Variants in CD22 observed in about 807,000 individuals in gnomAD.
CD22 encodes the protein CD22 molecule.
A neutral mutation model predicts 94.7 loss-of-function variants in CD22; 51 were observed. The ratio of observed to expected loss-of-function variants is 0.54; its 90% CI spans 0.43 to 0.68. CD22 has a LOEUF of 0.68. Ranked by LOEUF, CD22 falls within the 30% of genes least tolerant of loss-of-function variation. The pLI, the probability that CD22 is intolerant of heterozygous loss-of-function variation, is 0.00. For missense variants in CD22, 931 were observed against 1,060.4 expected (o/e 0.88, Z 1.69); for synonymous variants, 424 against 422.5 (o/e 1.00, Z -0.04).
chr19:35,343,299 G>A (rs914137705), intron 9 of CD22, among the ~76,000 whole-genome samples: 2 of 152,070 alleles, frequency 1.3e-5, no homozygotes, highest in Admixed American at 1.3e-4. Context: ...GCATGAAAGG[G>A]TAAATAGTGG....
Position 35,341,675 on chromosome 19 carries a change from C to G in CD22, c.1772-27C>G, listed in dbSNP as rs1468308647. The G allele has an allele frequency of 1.0e-5, 16 of 1,605,954 alleles. No individual in the cohort carries two copies. Among genetic ancestry groups the G allele is most frequent in the Non-Finnish European group, 1.4e-5 (16 of 1,175,980 alleles). ...AGTGGCCTGCCTGGTAGTGACTTCG[C>G]ACCCCCTCCCCCTGCCCGCCATGCA... On this transcript the variant is annotated intron_variant, in intron 8 of 13. Transcript: ENST00000085219. This position sits in a 1 kb window ranked among gnomAD's most constrained non-coding sequence, Gnocchi z 4.0.
intron 5 of CD22, 23 bp downstream of exon 5, chr19:35,338,044 C>T (rs1184505986): frequency 6.3e-7 from 1 of 1,591,780 alleles, no homozygotes; most frequent in Admixed American, 1.7e-5. Context: ...GAGCTGGGGA[C>T]AGGCCAGGCA....
At chr19:35,329,305 C>G (rs1294088281) in intron 1 of CD22, 75 bp downstream of exon 1, 2 of 968,490 alleles carry the variant, frequency 2.1e-6, no homozygotes, top group Admixed American at 4.6e-5. Context: ...GCCAGGCATA[C>G]CTCCCAGAGC....
chr19:35,343,613 G>C (rs1325142681), intron 9 of CD22, among the ~76,000 whole-genome samples: 1 of 152,192 alleles, frequency 6.6e-6, no homozygotes, highest in Admixed American at 6.5e-5. Flanking sequence ...TGGGCATGGT[G>C]GTTCATGCCT....
chr19:35,346,482 G>T, intron 13 of CD22, 84 bp from the exon 14 acceptor site: 2 of 1,531,486 alleles, frequency 1.3e-6, no homozygotes, highest in Non-Finnish European at 1.8e-6. Context: ...ACCCCCGGGT[G>T]GAATGAAGGA....
Position 35,341,972 on chromosome 19 carries a change from C to T in CD22, c.2035+7C>T. On this transcript the variant is annotated splice_region_variant and intron_variant, in intron 9 of 13. Transcript: ENST00000085219. The surrounding 1 kb of genome is among the most constrained non-coding windows in gnomAD (Gnocchi z 4.0). Reference sequence around the variant, plus strand: ...AGCACCCTCACCGTCTACTGTAAGGCCTCTTCCTGCTCTTGTTCTTCTTGG... The same window carrying T: ...AGCACCCTCACCGTCTACTGTAAGGTCTCTTCCTGCTCTTGTTCTTCTTGG... 6.2e-7 allele frequency: 1 copy of T among 1,605,684 alleles called. No individual in the cohort carries two copies. The highest frequency in any genetic ancestry group is 8.5e-7 in the Non-Finnish European group (1 of 1,175,198).
At position 35,336,352 on chromosome 19, in the gene CD22, C is replaced by G. The variant is rs1422441789; in HGVS notation, c.718+11C>G. ...AGCTGAACGTGAAGCGTGAGTCTCCCCGGCATGCCTGTGGGAAGGGCAAGG... is the reference window on the plus strand; with the variant it reads ...AGCTGAACGTGAAGCGTGAGTCTCCGCGGCATGCCTGTGGGAAGGGCAAGG... On this transcript the variant is annotated intron_variant, in intron 4 of 13. Transcript: ENST00000085219. The G allele has an allele frequency of 1.2e-6, 2 of 1,611,690 alleles. No individual in the cohort carries two copies. Among genetic ancestry groups the G allele is most frequent in the Non-Finnish European group, 1.7e-6 (2 of 1,178,444 alleles).
chr19:35,340,920 T>C lies in CD22; in HGVS notation c.1289T>C (p.Met430Thr), dbSNP rs561833113. 1.2e-6 allele frequency: 2 copies of C among 1,614,154 alleles called. No homozygotes were observed. Among genetic ancestry groups the C allele is most frequent in the East Asian group, 4.5e-5 (2 of 44,874 alleles). Residue 430 changes from methionine (M) to threonine (T), a missense_variant, in exon 7 of 14, where the codon ATG becomes ACG. By Grantham distance (81) the Met-to-Thr change is moderately conservative. Transcript: ENST00000085219. The part of the protein sequence containing the change: ...KKVTTVIQNP[M>T]PIREGDTVTL... The stretch of plus-strand genomic sequence containing the variant: ...GTGACCACAGTGATTCAAAACCCCA[T>C]GCCGATTCGAGAAGGAGACACAGTG...
At chr19:35,346,114 G>A (rs1568492963) in intron 12 of CD22, 37 bp from the exon 13 acceptor site, 2 of 1,496,542 alleles carry the variant, frequency 1.3e-6, no homozygotes, top group East Asian at 2.3e-5. Context: ...CGTGGGAGAT[G>A]CTTCATGCGT....
chr19:35,333,218 G>A lies in CD22; in HGVS notation c.412+294G>A, dbSNP rs73927988. ...ATTTTTCAGCTTTTGTGACAAACTC[G>A]TGTTTGGCCTTAGTACTGGAACCAT... On this transcript the variant is annotated intron_variant, in intron 3 of 13. Coordinates refer to ENST00000085219, the MANE Select transcript of CD22 (RefSeq NM_001771.4). 4.7e-3 allele frequency: 1,962 copies of A among 414,726 alleles called. 42 individuals are homozygous for A. The highest frequency in any genetic ancestry group is 0.036 in the African/African-American group (1,824 of 50,514). 25.7% of individuals were successfully genotyped at this position (414,726 alleles called of 1,614,324 possible).
In CD22 at chr19:35,338,347, T is replaced by C. The variant is rs367860531; in HGVS notation, c.1165T>C (p.Trp389Arg). Residue 389 changes from tryptophan to arginine, a missense_variant, in exon 6 of 14, where the codon TGG becomes CGG. Transcript: ENST00000085219. ...EKVHIPKILP[W>R]HAGTYSCVAE... ...AGTCCACATCCCAAAGATCCTCCCCTGGCACGCTGGGACTTATTCCTGTGT... is the reference window on the plus strand; with the variant it reads ...AGTCCACATCCCAAAGATCCTCCCCCGGCACGCTGGGACTTATTCCTGTGT... 9.3e-6 allele frequency: 15 copies of C among 1,614,084 alleles called. No individual in the cohort carries two copies. In the African/African-American group the frequency reaches 1.9e-4, roughly 20 times the overall value.
At chr19:35,342,886 C>T (rs1445653532) in intron 9 of CD22, among the ~76,000 whole-genome samples, 1 of 151,998 alleles carries the variant, frequency 6.6e-6, no homozygotes, top group Non-Finnish European at 1.5e-5. Flanking sequence ...TCACGGCTCA[C>T]TGCAAGCTCT....
chr19:35,330,771 C>A (rs1051397821), intron 1 of CD22: 2 of 152,088 alleles, frequency 1.3e-5, no homozygotes, highest in African/African-American at 4.8e-5. Context: ...TAAATTGGGA[C>A]TTAAATTTAA....
At chr19:35,343,209 C>T (rs1019698033) in intron 9 of CD22, among the ~76,000 whole-genome samples, 1 of 151,990 alleles carries the variant, frequency 6.6e-6, no homozygotes, top group African/African-American at 2.4e-5. Flanking sequence ...AGTGATACTC[C>T]TGCCTCGGCC....
At position 35,329,237 on chromosome 19, in the gene CD22, A is replaced by C. The variant is rs1421601790; in HGVS notation, c.-23+7A>C. ...GGAAGACACGCGGAAACAGGTAAAAATCATTTTGCTTTTATTTTGCATTCA... is the reference window on the plus strand; with the variant it reads ...GGAAGACACGCGGAAACAGGTAAAACTCATTTTGCTTTTATTTTGCATTCA... On this transcript the variant is annotated splice_region_variant and intron_variant, in intron 1 of 13. Transcript: ENST00000085219. 1 of 1,289,202 alleles carries C rather than the reference A, an allele frequency of 7.8e-7. No individual in the cohort carries two copies. The highest frequency in any genetic ancestry group is 1.0e-6 in the Non-Finnish European group (1 of 988,332). 79.9% of individuals were successfully genotyped at this position (1,289,202 alleles called of 1,614,324 possible). A position where few individuals can be genotyped will look rare whatever the true frequency, so the allele number is the denominator to read the frequency against.
At position 35,332,605 on chromosome 19, in the gene CD22, C is replaced by A; in HGVS notation, c.93C>A (p.Thr31=). ...AATGGGTTTTTGAGCACCCTGAAAC[C>A]CTCTACGCCTGGGAGGGGGCCTGCG... ...SSKWVFEHPE[T]LYAWEGACVW... The change falls in exon 3 of 14, where the codon ACC becomes ACA. Residue 31 remains threonine (T), a synonymous_variant. Transcript: ENST00000085219. The A allele has an allele frequency of 6.2e-7, 1 of 1,614,094 alleles. No individual in the cohort carries two copies. Among genetic ancestry groups the A allele is most frequent in the Non-Finnish European group, 8.5e-7 (1 of 1,180,006 alleles).
At position 35,332,610 on chromosome 19, in the gene CD22, A is replaced by G. The variant is rs372152695; in HGVS notation, c.98A>G (p.Tyr33Cys). Reference protein sequence around the residue: ...KWVFEHPETLYAWEGACVWIP... With the variant: ...KWVFEHPETLCAWEGACVWIP... Reference sequence around the variant, plus strand: ...GTTTTTGAGCACCCTGAAACCCTCTACGCCTGGGAGGGGGCCTGCGTCTGG... The same window carrying G: ...GTTTTTGAGCACCCTGAAACCCTCTGCGCCTGGGAGGGGGCCTGCGTCTGG... The change falls in exon 3 of 14, where the codon TAC becomes TGC. Residue 33 changes from tyrosine (Y) to cysteine (C), a missense_variant. By Grantham distance (194) the Tyr-to-Cys change is radical. Coordinates refer to ENST00000085219, the MANE Select transcript of CD22 (RefSeq NM_001771.4). 3 of 1,613,900 alleles carry G rather than the reference A, an allele frequency of 1.9e-6. No individual in the cohort carries two copies. Among genetic ancestry groups the G allele is most frequent in the African/African-American group, 1.3e-5 (1 of 74,892 alleles).
At position 35,332,628 on chromosome 19, in the gene CD22, G is replaced by T. The variant is rs2066661162; in HGVS notation, c.116G>T (p.Cys39Phe). ...ACCCTCTACGCCTGGGAGGGGGCCT[G>T]CGTCTGGATCCCCTGCACCTACAGA... The part of the protein sequence containing the change: ...PETLYAWEGA[C>F]VWIPCTYRAL... The change falls in exon 3 of 14, where the codon TGC (cysteine) becomes TTC (phenylalanine). Residue 39 changes from cysteine (C) to phenylalanine (F), a missense_variant. Coordinates refer to ENST00000085219, the MANE Select transcript of CD22 (RefSeq NM_001771.4). 6.2e-7 allele frequency: 1 copy of T among 1,613,998 alleles called. No individual in the cohort carries two copies. The highest frequency in any genetic ancestry group is 1.3e-5 in the African/African-American group (1 of 74,888).
In CD22 at chr19:35,341,789, C is replaced by T. The variant is rs772206117; in HGVS notation, c.1859C>T (p.Ala620Val). The change falls in exon 9 of 14, where the codon GCC (alanine) becomes GTC (valine). Residue 620 changes from alanine (A) to valine (V), a missense_variant. Physicochemically the swap from Ala to Val is moderately conservative, Grantham distance 64. Transcript: ENST00000085219. This position sits in a 1 kb window ranked among gnomAD's most constrained non-coding sequence, Gnocchi z 4.0. ...KSATLTCESD[A>V]NPPVSHYTWF... The stretch of plus-strand genomic sequence containing the variant: ...GCAACCCTGACCTGTGAGAGCGACG[C>T]CAACCCTCCCGTCTCCCACTACACC... 1.9e-6 allele frequency: 3 copies of T among 1,613,386 alleles called. No individual in the cohort carries two copies. The highest frequency in any genetic ancestry group is 2.2e-5 in the East Asian group (1 of 44,888).
Sources: gnomAD v4.1 joint callset for allele counts (sites outside exome capture counted in the v4.1 genomes callset) on GRCh38, gnomAD v4.1.1 for gene constraint, Gnocchi (gnomAD v3.1) non-coding constraint, MANE v1.5 for transcripts, NCBI Gene and HGNC (gene_info 2026-07-23, HGNC 2026-07-21) for gene names.